The following ATP6V0A4 variants were observed in gnomAD, a reference collection of about 807,000 sequenced individuals.
ATP6V0A4 encodes V-type proton ATPase 116 kDa subunit a 4.
ATP6V0A4 carries 86 observed loss-of-function variants against 107.3 expected under a neutral mutation model. The ratio of observed to expected loss-of-function variants is 0.80; its 90% confidence interval spans 0.67 to 0.96. The LOEUF (loss-of-function observed/expected upper bound fraction) is 0.96. Ranked by LOEUF, ATP6V0A4 falls within the 40% of genes least tolerant of loss-of-function variation. The pLI, the probability that ATP6V0A4 is intolerant of heterozygous loss-of-function variation, is 0.00. For synonymous variants in ATP6V0A4, 353 were observed against 381.4 expected, an observed-to-expected ratio of 0.93 and a Z score of 0.87; for missense variants, 908 against 1,045.6, an observed-to-expected ratio of 0.87 and a Z score of 1.81.
Position 138,749,183 on chromosome 7 carries a change from G to A in ATP6V0A4, c.1164C>T (p.Tyr388=), listed in dbSNP as rs529215869. ...NIVDAYGVGS[Y]REINPAPYTI... is the part of the protein sequence containing the mutation. Reference sequence around the variant, plus strand: ...GATCTTTACCTGGGTTTATCTCCCGGTAGCTGCCGACACCATAGGCATCAA... The same window carrying A: ...GATCTTTACCTGGGTTTATCTCCCGATAGCTGCCGACACCATAGGCATCAA... Residue 388 remains tyrosine (Y), a synonymous_variant, in exon 12 of 22, where the codon TAC becomes TAT. Coordinates refer to ENST00000310018, the MANE Select transcript of ATP6V0A4 (RefSeq NM_020632.3). 32 of 1,614,022 alleles carry A rather than the reference G, an allele frequency of 2.0e-5. 1 individual carries two copies. In the South Asian group the frequency reaches 3.4e-4, roughly 17 times the overall value.
Position 138,730,386 on chromosome 7 carries a change from G to GTA in ATP6V0A4, c.1909-1525_1909-1524insTA, listed in dbSNP as rs1194328965. Among the ~76,000 whole-genome samples, 519 of 149,538 alleles carry GTA rather than the reference G, an allele frequency of 3.5e-3. 5 individuals carry two copies. Among genetic ancestry groups the GTA allele is most frequent in the Middle Eastern group, 6.8e-3 (2 of 294 alleles). On this transcript the variant is annotated intron_variant, in intron 17 of 21. Coordinates refer to ENST00000310018, the MANE Select transcript of ATP6V0A4 (RefSeq NM_020632.3). ...TGTGTGTGTGTGTGTGTGTGTGTGT[G>GTA]GCTATCCTTTGATATTCAAAGACAG...
rs1803366798 is a variant in ATP6V0A4, at chr7:138,706,387, T to G, written c.*237A>C. The stretch of plus-strand genomic sequence containing the variant: ...ATTCTCCCCTCATTTGTCAATTACT[T>G]TATTATTTGAGAATTAATACCCCAC... On this transcript the variant is annotated 3_prime_UTR_variant, in exon 22 of 22. Transcript: ENST00000310018. The G allele has an allele frequency of 1.9e-6, 1 of 534,820 alleles. No individual in the cohort carries two copies. Among genetic ancestry groups the G allele is most frequent in the African/African-American group, 1.9e-5 (1 of 52,540 alleles). 33.1% of individuals were successfully genotyped at this position (534,820 alleles called of 1,614,324 possible).
rs764761158 is a variant in ATP6V0A4, at chr7:138,749,280, G to A, written c.1067C>T (p.Thr356Ile). Residue 356 changes from threonine to isoleucine, a missense_variant, in exon 12 of 22, where the codon ACA becomes ATA. Thr to Ile is a moderately conservative substitution (Grantham distance 89). Transcript: ENST00000310018. The part of the protein sequence containing the change: ...SGSSMAPIMT[T>I]VQSKTAPPTF... ...GGGAGGGGCTGTTTTAGATTGCACT[G>A]TGGTCATGATGGGGGCCATGGAGGA... 6 of 1,611,802 alleles carry A rather than the reference G, an allele frequency of 3.7e-6. No homozygotes were observed. Among genetic ancestry groups the A allele is most frequent in the South Asian group, 1.1e-5 (1 of 90,990 alleles).
chr7:138,792,044 C>T (rs1030432185), intron 1 of ATP6V0A4, among the ~76,000 whole-genome samples: 6 of 152,162 alleles, frequency 3.9e-5, no homozygotes, highest in African/African-American at 1.4e-4. Context: ...TGTGGTGGCT[C>T]ACGCCTGTAA....
At position 138,755,731 on chromosome 7, in the gene ATP6V0A4, C is replaced by T. The variant is rs1265713922; in HGVS notation, c.774G>A (p.Glu258=). The T allele has an allele frequency of 6.2e-7, 1 of 1,613,868 alleles. No individual in the cohort carries two copies. Among genetic ancestry groups the T allele is most frequent in the Non-Finnish European group, 8.5e-7 (1 of 1,180,032 alleles). Reference sequence around the variant, plus strand: ...GCCTCACATTGACGCTCTCCAACATCTCTCTGCGCTCCACCGCAGGCTCTG... The same window carrying T: ...GCCTCACATTGACGCTCTCCAACATTTCTCTGCGCTCCACCGCAGGCTCTG... ...PCPEPAVERR[E]MLESVNVRLE... is the part of the protein sequence containing the mutation. The change falls in exon 10 of 22, where the codon GAG becomes GAA. Residue 258 remains glutamate (E), a synonymous_variant. Transcript: ENST00000310018.
chr7:138,728,961 T>C, intron 17 of ATP6V0A4, 99 bp from the exon 18 acceptor site: 4 of 1,600,274 alleles, frequency 2.5e-6, no homozygotes, highest in Non-Finnish European at 3.4e-6. Context: ...CACTAGCACT[T>C]TATTTTGAGA....
chr7:138,796,089 C>T (rs1808644908), intron 1 of ATP6V0A4, among the ~76,000 whole-genome samples: 2 of 152,124 alleles, frequency 1.3e-5, no homozygotes, highest in Admixed American at 6.5e-5. Context: ...CCCTGTGAAG[C>T]CCACTGCAGG....
intron 20 of ATP6V0A4, among the ~76,000 whole-genome samples, chr7:138,714,205 C>T (rs1803906032): frequency 6.9e-6 from 1 of 145,232 alleles, no homozygotes; most frequent in South Asian, 2.3e-4. Flanking sequence ...CACTGCACTC[C>T]ATCCTGGGCA....
At chr7:138,745,962 A>AAAAATATATAT (rs1554396065) in intron 13 of ATP6V0A4, among the ~76,000 whole-genome samples, 1 of 65,682 alleles carries the variant, frequency 1.5e-5, no homozygotes, top group Admixed American at 2.6e-4. Flanking sequence ...AAAAAAAAAA[A>AAAAATATATAT]ATATATATAT....
intron 21 of ATP6V0A4, among the ~76,000 whole-genome samples, chr7:138,707,810 C>G (rs949908135): frequency 6.6e-6 from 1 of 151,218 alleles, no homozygotes. Context: ...CTCATGGTCA[C>G]AGCATAACAA....
At chr7:138,745,044 A>T in intron 14 of ATP6V0A4, 79 bp downstream of exon 14, 1 of 1,320,644 alleles carries the variant, frequency 7.6e-7, no homozygotes, top group Middle Eastern at 2.4e-4. Context: ...ACCTAGGTGT[A>T]GACTCCCCCA....
At position 138,771,123 on chromosome 7, in the gene ATP6V0A4, G is replaced by T; in HGVS notation, c.117+8C>A. On this transcript the variant is annotated splice_region_variant and intron_variant, in intron 3 of 21. Transcript: ENST00000310018. ...CTTCCTCTTATCTCCAAAGAACTCA[G>T]TACCTACATCTTTGAACTGAACCAA... 6.2e-7 allele frequency: 1 copy of T among 1,613,262 alleles called. No homozygotes were observed. The highest frequency in any genetic ancestry group is 8.5e-7 in the Non-Finnish European group (1 of 1,179,420).
chr7:138,793,059 T>C (rs1343036021), intron 1 of ATP6V0A4, among the ~76,000 whole-genome samples: 1 of 152,086 alleles, frequency 6.6e-6, no homozygotes, highest in Non-Finnish European at 1.5e-5. Context: ...TTTGGGAGGC[T>C]GAGACGGGAG....
chr7:138,733,824 T>A (rs1325185404), intron 16 of ATP6V0A4, among the ~76,000 whole-genome samples: 3 of 152,134 alleles, frequency 2.0e-5, no homozygotes, highest in African/African-American at 7.2e-5. Context: ...GTGATCCACC[T>A]GTCGGCCTTC....
Position 138,752,241 on chromosome 7 carries a change from G to A in ATP6V0A4, c.1029+384C>T, listed in dbSNP as rs441528. ...AAAAATTTGCTGGACGTGGTAGGGC[G>A]CACCTGTAATCCCAGCTACTCGGGA... On this transcript the variant is annotated intron_variant, in intron 11 of 21. Coordinates refer to ENST00000310018, the MANE Select transcript of ATP6V0A4 (RefSeq NM_020632.3). Among the ~76,000 whole-genome samples the A allele has an allele frequency of 1.3e-4, 19 of 151,750 alleles. No homozygotes were observed. The South Asian group carries it at 4.0e-3, about 32-fold the overall frequency.
At chr7:138,791,448 A>G (rs1216143682) in intron 1 of ATP6V0A4, among the ~76,000 whole-genome samples, 1 of 152,242 alleles carries the variant, frequency 6.6e-6, no homozygotes, top group African/African-American at 2.4e-5. Flanking sequence ...TTCAAAACTT[A>G]TTAATAACAT....
chr7:138,753,005 C>T lies in ATP6V0A4; in HGVS notation c.817-168G>A, dbSNP rs552340926. The T allele has an allele frequency of 3.1e-5, 23 of 736,442 alleles. No individual in the cohort carries two copies. In the South Asian group the frequency reaches 4.3e-4, roughly 14 times the overall value. The allele number at this position is 736,442 out of a possible 1,614,324, so 45.6% of individuals were successfully genotyped here. On this transcript the variant is annotated intron_variant, in intron 10 of 21. Transcript: ENST00000310018. The stretch of plus-strand genomic sequence containing the variant: ...ACTCTCCTGAGCAGTTTATCTCCCC[C>T]GCTAGAGGCTAAAACCCTTAGGCAG...
intron 20 of ATP6V0A4, among the ~76,000 whole-genome samples, chr7:138,714,775 G>A (rs1803947615): frequency 6.6e-6 from 1 of 152,140 alleles, no homozygotes; most frequent in African/African-American, 2.4e-5. Flanking sequence ...GAAGGGCATG[G>A]TAGCCTGAAA....
intron 13 of ATP6V0A4, among the ~76,000 whole-genome samples, chr7:138,745,958 A>ATATATATATATATATATATAT (rs1327313662): frequency 2.2e-5 from 1 of 44,484 alleles, no homozygotes; most frequent in African/African-American, 8.2e-5. Flanking sequence ...AAAAAAAAAA[A>ATATATATATATATATATATAT]AAAAATATAT....
Sources: gnomAD v4.1 joint callset for allele counts (sites outside exome capture counted in the v4.1 genomes callset) on GRCh38, gnomAD v4.1.1 for gene constraint, MANE v1.5 for transcripts, NCBI Gene and HGNC (gene_info 2026-07-23, HGNC 2026-07-21) for gene names.